GNAQ: variants seen among roughly 807,000 people sequenced by gnomAD.
GNAQ encodes guanine nucleotide-binding protein G(q) subunit alpha.
A neutral mutation model predicts 43.9 loss-of-function variants in GNAQ; 8 were observed. The ratio of observed to expected loss-of-function variants is 0.18; its 90% CI spans 0.11 to 0.33. GNAQ has a LOEUF of 0.33. GNAQ is among the 10% of genes least tolerant of loss of function. The probability of loss-of-function intolerance (pLI) is 1.00; values close to 1 mark genes in which losing one functional copy is unlikely to be tolerated. For synonymous variants in GNAQ, 155 were observed against 170.7 expected (o/e 0.91, Z 0.71); for missense variants, 158 against 450.8 (o/e 0.35, Z 5.88).
At chr9:77,778,191 A>C (rs1487130395) in intron 5 of GNAQ, among the ~76,000 whole-genome samples, 1 of 148,120 alleles carries the variant, frequency 6.8e-6, no homozygotes, top group Non-Finnish European at 1.5e-5. Context: ...GTATGTTTTT[A>C]TATATACATA....
At chr9:77,791,628 C>A (rs1447324519) in intron 5 of GNAQ, among the ~76,000 whole-genome samples, 1 of 152,094 alleles carries the variant, frequency 6.6e-6, no homozygotes, top group African/African-American at 2.4e-5. Flanking sequence ...TCTAGGCAGA[C>A]AAAAGCAGAC....
At chr9:77,800,953 T>C (rs1826735442) in intron 3 of GNAQ, among the ~76,000 whole-genome samples, 1 of 152,218 alleles carries the variant, frequency 6.6e-6, no homozygotes, top group African/African-American at 2.4e-5. Flanking sequence ...AGAAATATAT[T>C]GCCTGATAAA....
intron 2 of GNAQ, among the ~76,000 whole-genome samples, chr9:77,882,256 T>G (rs1175305263): frequency 2.6e-5 from 4 of 152,208 alleles, no homozygotes; most frequent in Non-Finnish European, 2.9e-5. Flanking sequence ...GATTTGAGGT[T>G]CTTTTCTCTT....
At chr9:77,780,822 T>C (rs1826383607) in intron 5 of GNAQ, among the ~76,000 whole-genome samples, 1 of 152,090 alleles carries the variant, frequency 6.6e-6, no homozygotes. Context: ...GGTGAGATGA[T>C]ACTTTATTGT....
intron 2 of GNAQ, among the ~76,000 whole-genome samples, chr9:77,823,070 G>A (rs1411477264): frequency 6.6e-6 from 1 of 152,042 alleles, no homozygotes; most frequent in African/African-American, 2.4e-5. Flanking sequence ...CTCCTGAGTA[G>A]CTGGGACTAC....
At chr9:77,894,208 G>C (rs993308413) in intron 2 of GNAQ, among the ~76,000 whole-genome samples, 2 of 145,520 alleles carry the variant, frequency 1.4e-5, no homozygotes, top group African/African-American at 5.0e-5. Context: ...ACATAGATAA[G>C]GGTATTACAG....
chr9:77,820,328 C>G (rs891846829), intron 2 of GNAQ, among the ~76,000 whole-genome samples: 1 of 152,174 alleles, frequency 6.6e-6, no homozygotes, highest in Non-Finnish European at 1.5e-5. Flanking sequence ...GACTGTTTCA[C>G]GTTTTCTGAC....
At chr9:78,002,862 T>A (rs1459618117) in intron 1 of GNAQ, among the ~76,000 whole-genome samples, 2 of 152,172 alleles carry the variant, frequency 1.3e-5, no homozygotes, top group African/African-American at 2.4e-5. Context: ...AATGACTAAT[T>A]CTTTGAGGGC....
intron 1 of GNAQ, 35 bp downstream of exon 1, chr9:78,031,065 C>T (rs751000437): frequency 5.0e-6 from 7 of 1,390,336 alleles, no homozygotes; most frequent in African/African-American, 1.5e-5. Flanking sequence ...GGGCTGGGGG[C>T]GCAGAGGCCC....
At chr9:77,892,268 T>A (rs549216761) in intron 2 of GNAQ, among the ~76,000 whole-genome samples, 142 of 152,264 alleles carry the variant, frequency 9.3e-4, no homozygotes, top group Middle Eastern at 3.4e-3. Context: ...GTGGAACCCA[T>A]CCTCCTCACT....
chr9:77,756,056 T>A (rs1408414103), intron 5 of GNAQ, among the ~76,000 whole-genome samples: 2 of 152,164 alleles, frequency 1.3e-5, no homozygotes, highest in Non-Finnish European at 2.9e-5. Context: ...AAGACTAGAC[T>A]GGCTTAGCCT....
chr9:78,027,997 C>T (rs1824003374), intron 1 of GNAQ, among the ~76,000 whole-genome samples: 1 of 152,024 alleles, frequency 6.6e-6, no homozygotes, highest in African/African-American at 2.4e-5. Context: ...ATTACACAGA[C>T]TTACAAATTA....
At chr9:77,976,366 TTTTTTGG>T (rs569328700) in intron 1 of GNAQ, among the ~76,000 whole-genome samples, 81 of 152,046 alleles carry the variant, frequency 5.3e-4, no homozygotes, top group Non-Finnish European at 7.1e-4. Flanking sequence ...TTGGTTTTTG[TTTTTTGG>T]TTTTTGGTTT....
chr9:77,791,172 A>C (rs1055969853), intron 5 of GNAQ, among the ~76,000 whole-genome samples: 52 of 152,190 alleles, frequency 3.4e-4, no homozygotes, highest in Non-Finnish European at 7.5e-4. Context: ...GGAGGAGAAA[A>C]AGGTCTCAGT....
At chr9:77,759,760 T>C (rs766323366) in intron 5 of GNAQ, among the ~76,000 whole-genome samples, 1 of 152,220 alleles carries the variant, frequency 6.6e-6, no homozygotes. Context: ...TAGCCAGTGA[T>C]GTGATTTTGG....
chr9:77,883,343 G>GTACCT (rs1380001444), intron 2 of GNAQ, among the ~76,000 whole-genome samples: 1 of 152,026 alleles, frequency 6.6e-6, no homozygotes, highest in African/African-American at 2.4e-5. Flanking sequence ...GACACCTCAT[G>GTACCT]TACCTTCATT....
At chr9:78,023,221 G>A (rs1490663487) in intron 1 of GNAQ, among the ~76,000 whole-genome samples, 1 of 152,190 alleles carries the variant, frequency 6.6e-6, no homozygotes, top group Non-Finnish European at 1.5e-5. Flanking sequence ...ACGGACCAGA[G>A]TAAGTATTGC....
At chr9:77,883,404 T>C (rs1828247056) in intron 2 of GNAQ, among the ~76,000 whole-genome samples, 1 of 152,064 alleles carries the variant, frequency 6.6e-6, no homozygotes, top group Non-Finnish European at 1.5e-5. Flanking sequence ...GTAGAGTGCT[T>C]TTCTAGGTAG....
chr9:77,813,454 C>T (rs994887530), intron 3 of GNAQ, among the ~76,000 whole-genome samples: 2 of 152,182 alleles, frequency 1.3e-5, no homozygotes, highest in Admixed American at 6.5e-5. Context: ...TCTAGAGAAA[C>T]TGTCTGGGAG....
Sources: allele counts gnomAD v4.1 joint callset (sites outside exome capture counted in the v4.1 genomes callset), GRCh38; gene constraint gnomAD v4.1.1; transcripts MANE v1.5; gene names NCBI Gene and HGNC (gene_info 2026-07-23, HGNC 2026-07-21).